The following LRBA variants were observed in gnomAD, a reference collection of about 807,000 sequenced individuals.
LRBA encodes LPS responsive beige-like anchor protein.
In LRBA, 176 loss-of-function variants were observed where a neutral mutation model predicts 330.0. The ratio of observed to expected loss-of-function variants is 0.53; its 90% confidence interval spans 0.47 to 0.60. The LOEUF (loss-of-function observed/expected upper bound fraction) is 0.60, where lower values mean the gene tolerates loss of function less well. Ranked by LOEUF, LRBA falls within the 20% of genes least tolerant of loss-of-function variation. The pLI is 0.00. For synonymous variants in LRBA, 1,230 were observed against 1,193.0 expected (o/e 1.03, Z -0.64); for missense variants, 3,259 against 3,444.8 (o/e 0.95, Z 1.35).
chr4:150,416,832 T>G (rs940294309), intron 46 of LRBA, among the ~76,000 whole-genome samples: 1 of 152,144 alleles, frequency 6.6e-6, no homozygotes, highest in Non-Finnish European at 1.5e-5. Context: ...TTGCATGGTA[T>G]GAGTCATACT....
intron 37 of LRBA, among the ~76,000 whole-genome samples, chr4:150,626,069 A>C (rs932151136): frequency 5.9e-5 from 9 of 151,998 alleles, no homozygotes; most frequent in Admixed American, 5.9e-4. Context: ...TGGATTAATC[A>C]AACGAACTGG....
intron 40 of LRBA, among the ~76,000 whole-genome samples, chr4:150,529,141 A>G (rs1763793965): frequency 6.6e-6 from 1 of 152,100 alleles, no homozygotes. Flanking sequence ...ATTAGCAGTG[A>G]CTCTGTTTAT....
At chr4:150,362,916 C>A (rs1014327620) in intron 47 of LRBA, among the ~76,000 whole-genome samples, 1 of 151,980 alleles carries the variant, frequency 6.6e-6, no homozygotes, top group African/African-American at 2.4e-5. Flanking sequence ...AGCCTGGCAG[C>A]CTGGCAGCCT....
chr4:150,453,986 CAG>C (rs1753721525), intron 44 of LRBA, among the ~76,000 whole-genome samples: 1 of 151,638 alleles, frequency 6.6e-6, no homozygotes, highest in Non-Finnish European at 1.5e-5. Flanking sequence ...TTCTTTGAGA[CAG>C]AGTCTCACTG....
chr4:150,828,438 C>CTGAT lies in LRBA; in HGVS notation c.4909_4912dup (p.Ser1638AsnfsTer14). The CTGAT allele has an allele frequency of 6.2e-7, 1 of 1,614,136 alleles. No homozygotes were observed. Among genetic ancestry groups the CTGAT allele is most frequent in the Non-Finnish European group, 8.5e-7 (1 of 1,180,010 alleles). ...TAAAGAAAGAGTAGATAGCACCTCGCTGATTGCATCTGGGCCTGCACTGAC... is the reference window on the plus strand; with the variant it reads ...TAAAGAAAGAGTAGATAGCACCTCGCTGATTGATTGCATCTGGGCCTGCACTGAC... On this transcript the variant is annotated frameshift_variant, in exon 30 of 57. Transcript: ENST00000651943. LOFTEE classifies it high-confidence loss of function.
chr4:150,519,759 T>C (rs1010798481), intron 40 of LRBA, among the ~76,000 whole-genome samples: 8 of 152,212 alleles, frequency 5.3e-5, no homozygotes, highest in East Asian at 1.9e-4. Flanking sequence ...TGTTTAAGTT[T>C]TGAGAAACTG....
At chr4:150,554,865 C>G (rs1483330252) in intron 40 of LRBA, among the ~76,000 whole-genome samples, 1 of 152,004 alleles carries the variant, frequency 6.6e-6, no homozygotes, top group Non-Finnish European at 1.5e-5. Context: ...ATTAGGATGG[C>G]AAACAAAACA....
intron 36 of LRBA, among the ~76,000 whole-genome samples, chr4:150,712,069 A>G (rs545098285): frequency 5.3e-4 from 80 of 152,338 alleles, no homozygotes; most frequent in Middle Eastern, 3.4e-3. Flanking sequence ...ACTCAAGGAC[A>G]GGCAGTATAC....
At chr4:150,859,108 T>G (rs568511012) in intron 22 of LRBA, among the ~76,000 whole-genome samples, 12 of 152,282 alleles carry the variant, frequency 7.9e-5, no homozygotes, top group Admixed American at 3.9e-4. Context: ...ATTTCATCAG[T>G]AAACAGCAAG....
chr4:150,489,514 AATATATAAGAATACATAATATATATT>A (rs1554039357), intron 41 of LRBA, among the ~76,000 whole-genome samples: 8 of 34,560 alleles, frequency 2.3e-4, no homozygotes, highest in African/African-American at 4.3e-4. Context: ...AAGAATATAT[AATATATAAGAATACATAATATATATT>A]ATATATAAGA....
rs150812909 is a variant in LRBA at position 150,380,179 on chromosome 4, C to CAA, written c.7195-30022_7195-30021dup. 8.9e-3 allele frequency among the ~76,000 whole-genome samples: 1,210 copies of CAA among 136,576 alleles called. 47 individuals carry two copies. In the East Asian group the frequency reaches 0.1, roughly 12 times the overall value. The allele number at this position is 136,576 out of a possible 152,430, so 89.6% of individuals were successfully genotyped here. The stretch of plus-strand genomic sequence containing the variant: ...GGGCAACAAGAGTGAAACTCTGTCT[C>CAA]AAAAAAACAAAACAAAACAAAATAA... On this transcript the variant is annotated intron_variant, in intron 47 of 56. Coordinates refer to ENST00000651943, the MANE Select transcript of LRBA (RefSeq NM_001364905.1).
At chr4:150,532,092 C>CA (rs1464305826) in intron 40 of LRBA, among the ~76,000 whole-genome samples, 1 of 152,214 alleles carries the variant, frequency 6.6e-6, no homozygotes, top group Non-Finnish European at 1.5e-5. Context: ...AGAGGACTGT[C>CA]ATTCTCATCT....
At chr4:150,932,889 C>G (rs1016139896) in intron 2 of LRBA, among the ~76,000 whole-genome samples, 1 of 151,760 alleles carries the variant, frequency 6.6e-6, no homozygotes, top group Admixed American at 6.6e-5. Context: ...GCACTCTAGA[C>G]TGGGTGACAG....
chr4:150,578,083 G>C (rs572383056), intron 40 of LRBA, among the ~76,000 whole-genome samples: 2 of 152,306 alleles, frequency 1.3e-5, no homozygotes, highest in East Asian at 3.9e-4. Flanking sequence ...ATAAATGGAA[G>C]ACAGGATTCT....
chr4:150,423,713 C>T (rs192168449), intron 46 of LRBA: 1 of 190,152 alleles, frequency 5.3e-6, no homozygotes, highest in Non-Finnish European at 1.1e-5. Context: ...AGCTCCAGCA[C>T]CAGGCAGAGA....
chr4:150,963,233 C>T (rs1048537134), intron 2 of LRBA, among the ~76,000 whole-genome samples: 2 of 148,664 alleles, frequency 1.3e-5, no homozygotes, highest in African/African-American at 5.2e-5. Flanking sequence ...CCTCTGATGC[C>T]GAGCCGAGGC....
Position 150,683,726 on chromosome 4 carries a change from G to GAA in LRBA, c.5755-11_5755-10dup. 1.2e-5 allele frequency: 18 copies of GAA among 1,494,684 alleles called. No individual in the cohort carries two copies. In the East Asian group the frequency reaches 1.2e-4, roughly 10 times the overall value. The allele number at this position is 1,494,684 out of a possible 1,614,324, so 92.6% of individuals were successfully genotyped here. A position where few individuals can be genotyped will look rare whatever the true frequency, so the allele number is the denominator to read the frequency against. ...TACTGGGCACACAGTGACTTGGAGA[G>GAA]AAAAAAAAATAATACTATAAAAAAT... On this transcript the variant is annotated splice_polypyrimidine_tract_variant and intron_variant, in intron 36 of 56. Coordinates refer to ENST00000651943, the MANE Select transcript of LRBA (RefSeq NM_001364905.1).
chr4:150,489,922 C>A (rs1758692243), intron 41 of LRBA, among the ~76,000 whole-genome samples: 1 of 150,142 alleles, frequency 6.7e-6, no homozygotes, highest in Non-Finnish European at 1.5e-5. Flanking sequence ...CAGAAAAACA[C>A]ACATATAAAA....
intron 40 of LRBA, among the ~76,000 whole-genome samples, chr4:150,559,041 T>G (rs1318314869): frequency 6.6e-6 from 1 of 152,174 alleles, no homozygotes; most frequent in Non-Finnish European, 1.5e-5. Context: ...AGTGAAACTC[T>G]CAGACAGACA....
Sources: allele counts gnomAD v4.1 joint callset (sites outside exome capture counted in the v4.1 genomes callset), GRCh38; gene constraint gnomAD v4.1.1; transcripts MANE v1.5; gene names NCBI Gene and HGNC (gene_info 2026-07-23, HGNC 2026-07-21).